The following SORBS2 variants were observed in gnomAD, a reference collection of about 807,000 sequenced individuals.
The protein encoded by SORBS2 is sorbin and SH3 domain containing 2.
A neutral mutation model predicts 97.7 loss-of-function variants in SORBS2; 46 were observed. That is an observed-to-expected ratio of 0.47 (90% CI 0.37 to 0.60). The LOEUF is 0.60. SORBS2 is among the 20% of genes least tolerant of loss of function. The probability of loss-of-function intolerance (pLI) is 0.00; values close to 1 mark genes in which losing one functional copy is unlikely to be tolerated. For missense variants in SORBS2, 1,316 were observed against 1,282.3 expected, an observed-to-expected ratio of 1.03 and a Z score of -0.40; for synonymous variants, 476 against 473.4, an observed-to-expected ratio of 1.01 and a Z score of -0.07.
intron 1 of SORBS2, among the ~76,000 whole-genome samples, chr4:185,844,384 T>G (rs2099213317): frequency 6.6e-6 from 1 of 152,034 alleles, no homozygotes; most frequent in South Asian, 2.1e-4. Flanking sequence ...ACCAGTGAAA[T>G]GCAAAACACA....
intron 1 of SORBS2, among the ~76,000 whole-genome samples, chr4:185,795,212 G>C (rs1272973086): frequency 6.6e-6 from 1 of 152,108 alleles, no homozygotes; most frequent in Non-Finnish European, 1.5e-5. Flanking sequence ...TTATATAGCA[G>C]ATTCTTGTTG....
At chr4:185,660,554 A>G (rs72718139), upstream of SORBS2, among the ~76,000 whole-genome samples, 14,241 of 152,260 alleles carry the variant, frequency 0.094, 891 homozygotes, top group Middle Eastern at 0.19. Flanking sequence ...TCCCGCGGCT[A>G]CCTTTAAAGT....
chr4:185,713,205 C>T (rs531397889), intron 2 of SORBS2, among the ~76,000 whole-genome samples: 3 of 152,244 alleles, frequency 2.0e-5, no homozygotes, highest in South Asian at 2.1e-4. Flanking sequence ...CTGGCTACCT[C>T]GTTAAGCCTT....
intron 2 of SORBS2, among the ~76,000 whole-genome samples, chr4:185,688,492 TGATAGATAGATAAATA>T (rs1424424980): frequency 1.8e-5 from 2 of 114,240 alleles, no homozygotes; most frequent in South Asian, 3.0e-4. Context: ...ATCTGTCTAT[TGATAGATAGATAAATA>T]GATAGATAGA....
intron 1 of SORBS2, among the ~76,000 whole-genome samples, chr4:185,856,522 T>A (rs1284100427): frequency 6.6e-6 from 1 of 152,168 alleles, no homozygotes; most frequent in African/African-American, 2.4e-5. Context: ...AATCTCTAGA[T>A]TTTTGATAGC....
At position 185,684,929 on chromosome 4, in the gene SORBS2, C is replaced by A; in HGVS notation, c.-197-6107G>T. ...ATCATGCGTTTTAAGAGAAATGTGC[C>A]AGACATCCATGAGAAAGATGAACAG... On this transcript the variant is annotated intron_variant, in intron 2 of 20. Coordinates refer to the SORBS2 transcript ENST00000284776. This position sits in a 1 kb window ranked among gnomAD's most constrained non-coding sequence, Gnocchi z 4.2. The A allele has an allele frequency of 9.8e-7, 1 of 1,020,216 alleles. No individual in the cohort carries two copies. Among genetic ancestry groups the A allele is most frequent in the South Asian group, 1.4e-5 (1 of 69,414 alleles). The allele number at this position is 1,020,216 out of a possible 1,614,324, so 63.2% of individuals were successfully genotyped here.
chr4:185,907,022 G>A (rs1006206665), intron 1 of SORBS2, among the ~76,000 whole-genome samples: 1 of 152,044 alleles, frequency 6.6e-6, no homozygotes, highest in African/African-American at 2.4e-5. Flanking sequence ...TGTAATCCCA[G>A]CTACTCAGGA....
At chr4:185,835,082 G>C (rs2153674784) in intron 1 of SORBS2, among the ~76,000 whole-genome samples, 1 of 152,266 alleles carries the variant, frequency 6.6e-6, no homozygotes, top group South Asian at 2.1e-4. Flanking sequence ...CTCTCCCTAA[G>C]TCTTGCTCCT....
intron 2 of SORBS2, among the ~76,000 whole-genome samples, chr4:185,679,306 CAT>C (rs1384963861): frequency 6.6e-6 from 1 of 152,076 alleles, no homozygotes; most frequent in Non-Finnish European, 1.5e-5. Flanking sequence ...TCTACCATAT[CAT>C]GTGACATTTT....
chr4:185,737,617 G>T (rs1034139364), intron 2 of SORBS2, among the ~76,000 whole-genome samples: 1 of 152,162 alleles, frequency 6.6e-6, no homozygotes, highest in Non-Finnish European at 1.5e-5. Flanking sequence ...GGACCCGAGG[G>T]GTGGGGCCGT....
chr4:185,823,276 A>G (rs72705722), intron 1 of SORBS2, among the ~76,000 whole-genome samples: 10,836 of 152,270 alleles, frequency 0.071, 563 homozygotes, highest in Middle Eastern at 0.16. Context: ...ATAAGCTTCT[A>G]AATTGATTGA....
exon 5 of SORBS2, chr4:185,630,552 A>G (rs2096890313): frequency 8.2e-6 from 13 of 1,581,324 alleles, no homozygotes; most frequent in African/African-American, 1.4e-5. Context: ...TTCTTACCTC[A>G]TGGGTCTTTC....
At chr4:185,691,994 G>A (rs1034674984) in intron 2 of SORBS2, among the ~76,000 whole-genome samples, 17 of 152,170 alleles carry the variant, frequency 1.1e-4, no homozygotes, top group African/African-American at 3.1e-4. Context: ...TGATCCGCCC[G>A]CCTCGGCCTC....
intron 1 of SORBS2, among the ~76,000 whole-genome samples, chr4:185,810,177 C>T (rs1007995094): frequency 2.6e-5 from 4 of 152,234 alleles, no homozygotes; most frequent in Admixed American, 6.5e-5. Flanking sequence ...TATCACCAAA[C>T]GTTTGCACAT....
chr4:185,627,801 C>G (rs76400043), intron 5 of SORBS2, among the ~76,000 whole-genome samples: 54,368 of 151,784 alleles, frequency 0.36, 9,871 homozygotes, highest in South Asian at 0.51. Context: ...AATAGTCTTC[C>G]CGCCATAAAA....
chr4:185,941,458 G>A (rs771655659), intron 1 of SORBS2, among the ~76,000 whole-genome samples: 1 of 152,036 alleles, frequency 6.6e-6, no homozygotes, highest in Admixed American at 6.5e-5. Context: ...TTTATCTCTG[G>A]ATCCTCTCTG....
At chr4:185,682,563 G>T (rs2097886951) in intron 2 of SORBS2, among the ~76,000 whole-genome samples, 1 of 152,144 alleles carries the variant, frequency 6.6e-6, no homozygotes, top group Non-Finnish European at 1.5e-5. Flanking sequence ...AAAGGCTGTT[G>T]TATTTTAACA....
intron 1 of SORBS2, among the ~76,000 whole-genome samples, chr4:185,909,496 C>A (rs1011076009): frequency 4.6e-5 from 7 of 151,850 alleles, no homozygotes; most frequent in African/African-American, 1.4e-4. Context: ...CACAATATAT[C>A]CACATGACAA....
intron 1 of SORBS2, among the ~76,000 whole-genome samples, chr4:185,902,059 T>C (rs2099248064): frequency 6.6e-6 from 1 of 152,218 alleles, no homozygotes; most frequent in African/African-American, 2.4e-5. Context: ...TATTGATAAA[T>C]CAGAACTATT....
Sources: allele counts gnomAD v4.1 joint callset (sites outside exome capture counted in the v4.1 genomes callset), GRCh38; gene constraint gnomAD v4.1.1; non-coding constraint Gnocchi (gnomAD v3.1); transcripts MANE v1.5; gene names NCBI Gene and HGNC (gene_info 2026-07-23, HGNC 2026-07-21).